SETX: variants seen among roughly 807,000 people sequenced by gnomAD.
The protein encoded by SETX is helicase senataxin.
In SETX, 90 loss-of-function variants were observed where a neutral mutation model predicts 227.2. The observed-to-expected ratio is 0.40, with a 90% CI of 0.33 to 0.47. SETX has a LOEUF of 0.47. Among genes scored for constraint, SETX ranks in the 20% least tolerant of loss-of-function variants. The pLI is 0.91. For missense variants in SETX, 3,052 were observed against 3,181.5 expected (o/e 0.96, Z 0.98); for synonymous variants, 1,210 against 1,113.2 (o/e 1.09, Z -1.73).
At chr9:132,334,068 A>G (rs908019505) in intron 7 of SETX, among the ~76,000 whole-genome samples, 1 of 152,128 alleles carries the variant, frequency 6.6e-6, no homozygotes, top group African/African-American at 2.4e-5. Flanking sequence ...AGAGGTTCTG[A>G]TGTTCATCCT....
At chr9:132,295,552 T>TTA in intron 15 of SETX, among the ~76,000 whole-genome samples, 1 of 152,164 alleles carries the variant, frequency 6.6e-6, no homozygotes. Context: ...CTCACACAAC[T>TTA]GAATCAGGGT....
At chr9:132,337,870 T>G (rs1035073804) in intron 5 of SETX, among the ~76,000 whole-genome samples, 1 of 152,168 alleles carries the variant, frequency 6.6e-6, no homozygotes, top group African/African-American at 2.4e-5. Context: ...TCTTAAAGTA[T>G]CTAAACAATA....
chr9:132,333,408 A>AAATATAT (rs1847380194), intron 7 of SETX, among the ~76,000 whole-genome samples: 1 of 72,230 alleles, frequency 1.4e-5, no homozygotes, highest in African/African-American at 6.0e-5. Flanking sequence ...GAAAAAAAAA[A>AAATATAT]ATATATATAC....
chr9:132,308,974 C>T (rs1335188022), intron 11 of SETX, among the ~76,000 whole-genome samples: 1 of 152,098 alleles, frequency 6.6e-6, no homozygotes, highest in Non-Finnish European at 1.5e-5. Context: ...CCCGTCTCCA[C>T]TAAAAATACA....
Position 132,264,169 on chromosome 9 carries a change from A to G in SETX, c.*70T>C. 1 of 1,605,432 alleles carries G rather than the reference A, an allele frequency of 6.2e-7. No individual in the cohort carries two copies. The highest frequency in any genetic ancestry group is 1.3e-5 in the African/African-American group (1 of 74,944). ...CCTTACAAAAAACAAGCTTATCTAG[A>G]TGGTCCCACGAGCTGGTCATCTTCA... is the stretch of plus-strand genomic sequence containing the variant. On this transcript the variant is annotated 3_prime_UTR_variant, in exon 26 of 26. Transcript: ENST00000224140.
rs1232292652 is a variant in SETX, at chr9:132,265,312, A to G, written c.7288-327T>C. On this transcript the variant is annotated intron_variant, in intron 25 of 25. Transcript: ENST00000224140. ...GCGATCTTGGCTCACTGCAACCTCC[A>G]CCTCCCGGGTTCACGCCATTCTCCT... Among the ~76,000 whole-genome samples, 21 of 131,730 alleles carry G rather than the reference A, an allele frequency of 1.6e-4. No individual in the cohort carries two copies. In the Admixed American group the frequency reaches 1.9e-3, roughly 12 times the overall value. The allele number at this position is 131,730 out of a possible 152,430, so 86.4% of individuals were successfully genotyped here. A position where few individuals can be genotyped will look rare whatever the true frequency, so the allele number is the denominator to read the frequency against.
rs532715508 is a variant in SETX, at chr9:132,328,466, T to C, written c.3132A>G (p.Glu1044=). ...CTGTTGAAACGTGCTGCTCTGGATG[T>C]TCCCTCTCAAGGCATATTTTGTCCT... ...TKQDKICLER[E]HPEQHVSTVN... Residue 1044 remains glutamate (E), a synonymous_variant, in exon 10 of 26, where the codon GAA becomes GAG. Coordinates refer to ENST00000224140, the MANE Select transcript of SETX (RefSeq NM_015046.7). The C allele has an allele frequency of 1.2e-6, 2 of 1,613,788 alleles. No individual in the cohort carries two copies. Among genetic ancestry groups the C allele is most frequent in the South Asian group, 1.1e-5 (1 of 91,052 alleles).
upstream of SETX, among the ~76,000 whole-genome samples, chr9:132,356,569 G>T (rs1464164172): frequency 6.6e-6 from 1 of 152,152 alleles, no homozygotes. Context: ...ACAGTTAATA[G>T]AGGAGACAGG....
intron 10 of SETX, among the ~76,000 whole-genome samples, chr9:132,317,281 GC>G (rs1846027441): frequency 1.3e-5 from 2 of 151,750 alleles, no homozygotes; most frequent in South Asian, 4.1e-4. Context: ...TCCATCTTGT[GC>G]CCAAATATGG....
chr9:132,274,355 T>C (rs557810637), intron 23 of SETX, among the ~76,000 whole-genome samples: 7 of 152,298 alleles, frequency 4.6e-5, no homozygotes, highest in African/African-American at 1.4e-4. Context: ...TTTTAATATT[T>C]GATAGAATTC....
chr9:132,328,487 G>T lies in SETX; in HGVS notation c.3111C>A (p.Asp1037Glu), dbSNP rs761490341. Residue 1037 changes from aspartate (D) to glutamate (E), a missense_variant, in exon 10 of 26, where the codon GAC becomes GAA. Coordinates refer to ENST00000224140, the MANE Select transcript of SETX (RefSeq NM_015046.7). ...GATGTTCCCTCTCAAGGCATATTTT[G>T]TCCTGTTTAGTGAGTTTCTCAAGAC... ...ILSLEKLTKQ[D>E]KICLEREHPE... 6.2e-7 allele frequency: 1 copy of T among 1,613,694 alleles called. No homozygotes were observed. The highest frequency in any genetic ancestry group is 1.1e-5 in the South Asian group (1 of 91,060).
chr9:132,266,519 C>T (rs966345971), intron 25 of SETX, among the ~76,000 whole-genome samples: 1 of 152,138 alleles, frequency 6.6e-6, no homozygotes, highest in Admixed American at 6.6e-5. Flanking sequence ...TGCCTGTAAT[C>T]CTAACACTTT....
intron 18 of SETX, among the ~76,000 whole-genome samples, chr9:132,285,984 A>G (rs2131231165): frequency 6.7e-6 from 1 of 149,962 alleles, no homozygotes; most frequent in South Asian, 2.1e-4. Context: ...AGAGATCCAG[A>G]CCATCCTGGC....
intron 18 of SETX, among the ~76,000 whole-genome samples, chr9:132,284,113 C>T (rs997772086): frequency 6.6e-6 from 1 of 152,210 alleles, no homozygotes; most frequent in Non-Finnish European, 1.5e-5. Context: ...TCAAGGCATT[C>T]GTGTGAGCTT....
At chr9:132,345,375 G>GTGA (rs1440571666) in intron 4 of SETX, among the ~76,000 whole-genome samples, 4 of 152,242 alleles carry the variant, frequency 2.6e-5, no homozygotes, top group Non-Finnish European at 5.9e-5. Context: ...CCAGGTTCAA[G>GTGA]TGATTCTCCT....
intron 25 of SETX, among the ~76,000 whole-genome samples, chr9:132,268,899 A>G (rs1842770638): frequency 6.6e-6 from 1 of 152,248 alleles, no homozygotes; most frequent in Non-Finnish European, 1.5e-5. Flanking sequence ...GAAACAAGAA[A>G]GAAGGTGTAT....
intron 5 of SETX, among the ~76,000 whole-genome samples, chr9:132,339,644 C>T (rs1847843640): frequency 6.6e-6 from 1 of 152,060 alleles, no homozygotes; most frequent in African/African-American, 2.4e-5. Context: ...TGGAGTTTTG[C>T]TCTTGTTGCC....
At chr9:132,340,242 C>T (rs1759024498) in intron 5 of SETX, among the ~76,000 whole-genome samples, 1 of 152,098 alleles carries the variant, frequency 6.6e-6, no homozygotes, top group South Asian at 2.1e-4. Flanking sequence ...GGTCCATGTG[C>T]ACAATGTGTA....
chr9:132,306,081 A>G (rs185225173), intron 11 of SETX, among the ~76,000 whole-genome samples: 2 of 152,172 alleles, frequency 1.3e-5, no homozygotes, highest in Admixed American at 1.3e-4. Context: ...TCATCTCCTT[A>G]CTCCATCCCA....
Sources: allele counts gnomAD v4.1 joint callset (sites outside exome capture counted in the v4.1 genomes callset), GRCh38; gene constraint gnomAD v4.1.1; transcripts MANE v1.5; gene names NCBI Gene and HGNC (gene_info 2026-07-23, HGNC 2026-07-21).